The following NRXN3 variants were observed in gnomAD, a reference collection of about 807,000 sequenced individuals.
NRXN3 encodes the protein neurexin III.
Under a neutral mutation model 137.6 loss-of-function variants are expected in NRXN3, and 32 were observed. That is an observed-to-expected ratio of 0.23 (90% CI 0.18 to 0.31). The LOEUF is 0.31. Among genes scored for constraint, NRXN3 ranks in the 10% least tolerant of loss-of-function variants. The pLI, the probability that NRXN3 is intolerant of heterozygous loss-of-function variation, is 1.00. For synonymous variants in NRXN3, 798 were observed against 784.5 expected, an observed-to-expected ratio of 1.02 and a Z score of -0.29; for missense variants, 1,574 against 2,062.5, an observed-to-expected ratio of 0.76 and a Z score of 4.59.
At chr14:79,112,890 G>T (rs2053787717) in intron 15 of NRXN3, among the ~76,000 whole-genome samples, 1 of 152,160 alleles carries the variant, frequency 6.6e-6, no homozygotes, top group African/African-American at 2.4e-5. Context: ...GCAGGGTAAT[G>T]ATGAAAAAGA....
intron 10 of NRXN3, among the ~76,000 whole-genome samples, chr14:78,885,022 T>C (rs2099139443): frequency 6.6e-6 from 1 of 151,962 alleles, no homozygotes; most frequent in African/African-American, 2.4e-5. Context: ...TTAATCAGAT[T>C]ATTTGACTTT....
In NRXN3 at chr14:79,843,667, T is replaced by C. The variant is rs191267657; in HGVS notation, c.4094-17675T>C. ...TTTAAATATTTTGTCATTTCAGCAG[T>C]GTTCACAGCATCTTCACCAGGAGAT... is the stretch of plus-strand genomic sequence containing the variant. On this transcript the variant is annotated intron_variant, in intron 20 of 20. Coordinates refer to ENST00000335750, the MANE Select transcript of NRXN3 (RefSeq NM_001330195.2). Among the ~76,000 whole-genome samples, 3 of 152,358 alleles carry C rather than the reference T, an allele frequency of 2.0e-5. No individual in the cohort carries two copies. In the East Asian group the frequency reaches 5.8e-4, roughly 29 times the overall value.
chr14:78,543,716 T>C (rs906562331), intron 4 of NRXN3, among the ~76,000 whole-genome samples: 1 of 152,194 alleles, frequency 6.6e-6, no homozygotes, highest in Admixed American at 6.5e-5. Flanking sequence ...TTGTTGTTGT[T>C]GTTATTGTTA....
At chr14:79,224,323 T>C (rs972977324) in intron 15 of NRXN3, among the ~76,000 whole-genome samples, 3 of 152,192 alleles carry the variant, frequency 2.0e-5, no homozygotes, top group Admixed American at 2.0e-4. Flanking sequence ...ATAGTGAGAA[T>C]TGGATTACCA....
intron 10 of NRXN3, among the ~76,000 whole-genome samples, chr14:78,857,889 T>A (rs2099061888): frequency 6.6e-6 from 1 of 152,104 alleles, no homozygotes; most frequent in Non-Finnish European, 1.5e-5. Context: ...CAAAGTATAG[T>A]GGAGGTTACT....
At chr14:78,253,985 G>A (rs941564407) in intron 2 of NRXN3, among the ~76,000 whole-genome samples, 4 of 152,070 alleles carry the variant, frequency 2.6e-5, no homozygotes, top group African/African-American at 9.7e-5. Flanking sequence ...TGGGCCATGT[G>A]GGTGAAGAAG....
intron 15 of NRXN3, among the ~76,000 whole-genome samples, chr14:79,034,260 T>C (rs2099612497): frequency 6.6e-6 from 1 of 151,870 alleles, no homozygotes; most frequent in African/African-American, 2.4e-5. Flanking sequence ...ATAGAAACTT[T>C]TTAATAGTTC....
At position 78,182,342 on chromosome 14, in the gene NRXN3, C is replaced by G. The variant is rs80341066; in HGVS notation, c.-704+11668C>G. Among the ~76,000 whole-genome samples, 6 of 152,156 alleles carry G rather than the reference C, an allele frequency of 3.9e-5. No individual in the cohort carries two copies. The South Asian group carries it at 1.2e-3, about 32-fold the overall frequency. On this transcript the variant is annotated intron_variant, in intron 1 of 20. Coordinates refer to ENST00000335750, the MANE Select transcript of NRXN3 (RefSeq NM_001330195.2). ...GGCTCTCCTACACTTAACATCCCAC[C>G]GAGATGTTTTTGCTGAGAACTGAAG...
chr14:78,539,808 C>G (rs907540022), intron 4 of NRXN3, among the ~76,000 whole-genome samples: 1 of 152,118 alleles, frequency 6.6e-6, no homozygotes, highest in African/African-American at 2.4e-5. Context: ...TATGTTGTGT[C>G]TTTGTTATCA....
chr14:78,841,805 C>G (rs1186497158), intron 10 of NRXN3, among the ~76,000 whole-genome samples: 2 of 152,120 alleles, frequency 1.3e-5, no homozygotes, highest in African/African-American at 4.8e-5. Flanking sequence ...TTGATTACCT[C>G]TCACCAAGAT....
chr14:78,887,636 T>A (rs1055207775), intron 10 of NRXN3, among the ~76,000 whole-genome samples: 3 of 152,028 alleles, frequency 2.0e-5, no homozygotes, highest in African/African-American at 7.2e-5. Context: ...GAAGATTAGG[T>A]CCATAAGTTT....
At position 79,404,106 on chromosome 14, in the gene NRXN3, G is replaced by T. The variant is rs113542122; in HGVS notation, c.3263-63115G>T. On this transcript the variant is annotated intron_variant, in intron 15 of 20. Coordinates refer to ENST00000335750, the MANE Select transcript of NRXN3 (RefSeq NM_001330195.2). ...AACAGCAGCAAACACTGACAAATGA[G>T]ATCTAATTAAACTAAAGAGCTTTTG... Among the ~76,000 whole-genome samples, 1,142 of 152,206 alleles carry T rather than the reference G, an allele frequency of 7.5e-3. 15 individuals carry two copies. Among genetic ancestry groups the T allele is most frequent in the African/African-American group, 0.026 (1,082 of 41,544 alleles).
intron 15 of NRXN3, among the ~76,000 whole-genome samples, chr14:79,368,100 T>C (rs1448302835): frequency 1.3e-5 from 2 of 152,194 alleles, no homozygotes; most frequent in Non-Finnish European, 2.9e-5. Flanking sequence ...GATACTGACT[T>C]TGTCAATAAA....
chr14:79,797,952 T>A (rs2140427980), intron 19 of NRXN3, among the ~76,000 whole-genome samples: 1 of 151,822 alleles, frequency 6.6e-6, no homozygotes, highest in East Asian at 1.9e-4. Flanking sequence ...ATAAATAAAT[T>A]ATTCAGGTGT....
chr14:78,488,300 T>G (rs923139666), intron 4 of NRXN3, among the ~76,000 whole-genome samples: 1 of 152,182 alleles, frequency 6.6e-6, no homozygotes, highest in Non-Finnish European at 1.5e-5. Flanking sequence ...CTTCAACCTA[T>G]GAATTTGGGT....
intron 15 of NRXN3, among the ~76,000 whole-genome samples, chr14:79,432,081 C>T (rs2095766012): frequency 6.6e-6 from 1 of 151,110 alleles, no homozygotes; most frequent in East Asian, 2.0e-4. Flanking sequence ...TTAATTATTC[C>T]CTGAGAAATG....
intron 15 of NRXN3, among the ~76,000 whole-genome samples, chr14:79,127,335 C>A (rs1026188413): frequency 6.6e-6 from 1 of 152,094 alleles, no homozygotes. Context: ...TTTAATCCAT[C>A]TTGAATTGAT....
intron 19 of NRXN3, among the ~76,000 whole-genome samples, chr14:79,705,096 T>C (rs556166411): frequency 6.6e-6 from 1 of 152,248 alleles, no homozygotes; most frequent in Admixed American, 6.5e-5. Context: ...CCAATTAGGA[T>C]GTAATATTTA....
At chr14:79,704,614 C>T in intron 19 of NRXN3, among the ~76,000 whole-genome samples, 1 of 152,100 alleles carries the variant, frequency 6.6e-6, no homozygotes, top group East Asian at 1.9e-4. Flanking sequence ...ATGTGAGGCT[C>T]CAGGGTTTGT....
Sources: gnomAD v4.1 joint callset for allele counts (sites outside exome capture counted in the v4.1 genomes callset) on GRCh38, gnomAD v4.1.1 for gene constraint, MANE v1.5 for transcripts, NCBI Gene and HGNC (gene_info 2026-07-23, HGNC 2026-07-21) for gene names.